Variants in CMYA5 observed in about 807,000 individuals in gnomAD.
CMYA5 encodes cardiomyopathy associated 5.
CMYA5 carries 246 observed loss-of-function variants against 318.9 expected under a neutral mutation model. That is an observed-to-expected ratio of 0.77 (90% CI 0.70 to 0.86). CMYA5 has a LOEUF of 0.86. CMYA5 is among the 40% of genes least tolerant of loss of function. The pLI is 0.00. For missense variants in CMYA5, 4,589 were observed against 4,678.2 expected (o/e 0.98, Z 0.56); for synonymous variants, 1,641 against 1,729.5 (o/e 0.95, Z 1.27).
In CMYA5 at chr5:79,739,128, A is replaced by G; in HGVS notation, c.10363A>G (p.Lys3455Glu). 1 of 1,613,902 alleles carries G rather than the reference A, an allele frequency of 6.2e-7. No homozygotes were observed. The highest frequency in any genetic ancestry group is 1.1e-5 in the South Asian group (1 of 91,074). ...STPEDVLSQGKESFEHISENE... is the reference protein window; with the variant it reads ...STPEDVLSQGEESFEHISENE... ...ACCTGAAGATGTCTTATCTCAAGGA[A>G]AGGAATCCTTTGAGCACATCAGTGA... Residue 3455 changes from lysine (K) to glutamate (E), a missense_variant, in exon 2 of 13, where the codon AAG (lysine) becomes GAG (glutamate). Around this residue, in one of 3 missense-constraint regions of CMYA5, gnomAD observed 2,431 missense variants for 2,495.1 expected, o/e 0.97. Coordinates refer to ENST00000446378, the MANE Select transcript of CMYA5 (RefSeq NM_153610.5).
At chr5:79,791,713 C>CA (rs61063837) in intron 11 of CMYA5, among the ~76,000 whole-genome samples, 3,905 of 91,514 alleles carry the variant, frequency 0.043, 96 homozygotes, top group Non-Finnish European at 0.057. Context: ...GACTCTGTCT[C>CA]AAAAAAAAAA....
chr5:79,747,152 G>A (rs1194256994), intron 5 of CMYA5, 39 bp downstream of exon 5: 3 of 1,510,886 alleles, frequency 2.0e-6, no homozygotes, highest in Non-Finnish European at 2.7e-6. Context: ...CAAACAGCAT[G>A]ACTGGATGCT....
chr5:79,734,877 G>GA lies in CMYA5; in HGVS notation c.6118dup (p.Ile2040AsnfsTer2), dbSNP rs756251572. 4.3e-6 allele frequency: 7 copies of GA among 1,613,650 alleles called. No homozygotes were observed. Among genetic ancestry groups the GA allele is most frequent in the South Asian group, 3.3e-5 (3 of 91,072 alleles). On this transcript the variant is annotated frameshift_variant, in exon 2 of 13. Coordinates refer to ENST00000446378, the MANE Select transcript of CMYA5 (RefSeq NM_153610.5). LOFTEE classifies it high-confidence loss of function. ...CTGGCCTTCCAAAGAAGATAGCCAG[G>GA]AAAAAATTAAACTACCTCCTGAAAG...
chr5:79,789,205 C>T, intron 10 of CMYA5, 101 bp downstream of exon 10: 1 of 1,342,948 alleles, frequency 7.4e-7, no homozygotes, highest in Non-Finnish European at 1.0e-6. Context: ...AACTCCCAAC[C>T]TACTGTCAGT....
intron 1 of CMYA5, among the ~76,000 whole-genome samples, chr5:79,711,248 T>C (rs1827383423): frequency 6.6e-6 from 1 of 152,156 alleles, no homozygotes; most frequent in Non-Finnish European, 1.5e-5. Context: ...TGATGATGGG[T>C]CCATCAGGTA....
intron 11 of CMYA5, among the ~76,000 whole-genome samples, chr5:79,792,260 C>A (rs896585933): frequency 6.6e-6 from 1 of 152,142 alleles, no homozygotes; most frequent in Non-Finnish European, 1.5e-5. Context: ...ATCTTTGAAT[C>A]CCTCAAATCT....
chr5:79,723,779 A>AG (rs1027366199), intron 1 of CMYA5, among the ~76,000 whole-genome samples: 119 of 151,840 alleles, frequency 7.8e-4, no homozygotes, highest in African/African-American at 2.7e-3. Context: ...AAACAATGAA[A>AG]AAAAAAAAAG....
At position 79,739,376 on chromosome 5, in the gene CMYA5, G is replaced by T. The variant is rs368530786; in HGVS notation, c.10611G>T (p.Thr3537=). 3.9e-6 allele frequency: 6 copies of T among 1,550,168 alleles called. No homozygotes were observed. The highest frequency in any genetic ancestry group is 1.4e-5 in the African/African-American group (1 of 72,944). The change falls in exon 2 of 13, where the codon ACG becomes ACT. Residue 3537 remains threonine (T), a synonymous_variant. Coordinates refer to ENST00000446378, the MANE Select transcript of CMYA5 (RefSeq NM_153610.5). ...FGTHKDHEVS[T]LDTAISAVKV... Reference sequence around the variant, plus strand: ...CCCACAAAGACCATGAAGTTTCAACGCTTGACACAGCTATAAGTGCTGTAA... The same window carrying T: ...CCCACAAAGACCATGAAGTTTCAACTCTTGACACAGCTATAAGTGCTGTAA...
In CMYA5 at chr5:79,738,806, T is replaced by C. The variant is rs1390971648; in HGVS notation, c.10041T>C (p.His3347=). ...CGGTTCCATTTGAAGACACCCATCA[T>C]GTTCTGGAGCGTGCAGATGAAGCAG... ...SYAVPFEDTH[H]VLERADEAGS... Residue 3347 remains histidine (H), a synonymous_variant, in exon 2 of 13, where the codon CAT becomes CAC. Transcript: ENST00000446378. 6.2e-7 allele frequency: 1 copy of C among 1,613,910 alleles called. No individual in the cohort carries two copies. The highest frequency in any genetic ancestry group is 1.7e-5 in the Admixed American group (1 of 59,984).
chr5:79,738,474 T>A lies in CMYA5; in HGVS notation c.9709T>A (p.Tyr3237Asn), dbSNP rs1392083086. 6.2e-7 allele frequency: 1 copy of A among 1,613,758 alleles called. No homozygotes were observed. The highest frequency in any genetic ancestry group is 1.1e-5 in the South Asian group (1 of 91,072). Residue 3237 changes from tyrosine (Y) to asparagine (N), a missense_variant, in exon 2 of 13, where the codon TAT (tyrosine) becomes AAT (asparagine). By Grantham distance (143) the Tyr-to-Asn change is moderately radical. Coordinates refer to ENST00000446378, the MANE Select transcript of CMYA5 (RefSeq NM_153610.5). The stretch of plus-strand genomic sequence containing the variant: ...TGACACTGATGATGGAACAGGAATA[T>A]ATTTTGAGAAGTACATACTCAAAGA... ...NSDTDDGTGI[Y>N]FEKYILKDDI...
rs752628202 is a variant in CMYA5, at chr5:79,736,459, C to T, written c.7694C>T (p.Ala2565Val). 7 of 1,609,666 alleles carry T rather than the reference C, an allele frequency of 4.3e-6. No individual in the cohort carries two copies. The East Asian group carries it at 8.9e-5, about 21-fold the overall frequency. Residue 2565 changes from alanine to valine, a missense_variant, in exon 2 of 13, where the codon GCC becomes GTC. Ala to Val is a moderately conservative substitution (Grantham distance 64). Coordinates refer to ENST00000446378, the MANE Select transcript of CMYA5 (RefSeq NM_153610.5). Reference protein sequence around the residue: ...QEHQPYSVNVAESMSRESDIS... With the variant: ...QEHQPYSVNVVESMSRESDIS... ...CATCAGCCTTATTCTGTGAATGTAGCCGAGTCTATGAGTAGAGAATCAGAT... is the reference window on the plus strand; with the variant it reads ...CATCAGCCTTATTCTGTGAATGTAGTCGAGTCTATGAGTAGAGAATCAGAT...
chr5:79,735,712 A>G lies in CMYA5; in HGVS notation c.6947A>G (p.Glu2316Gly), dbSNP rs774540731. The change falls in exon 2 of 13, where the codon GAA (glutamate) becomes GGA (glycine). Residue 2316 changes from glutamate to glycine, a missense_variant. Coordinates refer to ENST00000446378, the MANE Select transcript of CMYA5 (RefSeq NM_153610.5). ...ACTTCTGCTGATGGTGAGAACCTTG[A>G]AATTCAATCTTATTCACTAATCGGT... is the stretch of plus-strand genomic sequence containing the variant. ...VVTSADGENL[E>G]IQSYSLIGEK... 4 of 1,599,938 alleles carry G rather than the reference A, an allele frequency of 2.5e-6. No homozygotes were observed. In the East Asian group the frequency reaches 8.9e-5, roughly 36 times the overall value.
In CMYA5 at chr5:79,736,740, T is replaced by C; in HGVS notation, c.7975T>C (p.Leu2659=). ...HSLSQEGNLV[L]EKSSRDMPDH... is the part of the protein sequence containing the mutation. ...TTTATCTCAGGAAGGAAATCTAGTATTAGAAAAGTCAAGCAGAGATATGCC... is the reference window on the plus strand; with the variant it reads ...TTTATCTCAGGAAGGAAATCTAGTACTAGAAAAGTCAAGCAGAGATATGCC... Residue 2659 remains leucine (L), a synonymous_variant, in exon 2 of 13, where the codon TTA becomes CTA. Coordinates refer to ENST00000446378, the MANE Select transcript of CMYA5 (RefSeq NM_153610.5). 1.9e-6 allele frequency: 3 copies of C among 1,612,626 alleles called. No individual in the cohort carries two copies. Among genetic ancestry groups the C allele is most frequent in the Non-Finnish European group, 2.5e-6 (3 of 1,179,608 alleles).
Position 79,729,502 on chromosome 5 carries a change from G to C in CMYA5, c.737G>C (p.Gly246Ala), listed in dbSNP as rs774673646. 49 of 1,610,892 alleles carry C rather than the reference G, an allele frequency of 3.0e-5. No homozygotes were observed. Among genetic ancestry groups the C allele is most frequent in the Non-Finnish European group, 4.1e-5 (48 of 1,178,110 alleles). The change falls in exon 2 of 13, where the codon GGA becomes GCA. Residue 246 changes from glycine (G) to alanine (A), a missense_variant. Around this residue, in one of 3 missense-constraint regions of CMYA5, gnomAD observed 2,132 missense variants for 2,131.3 expected, o/e 1.00. Coordinates refer to ENST00000446378, the MANE Select transcript of CMYA5 (RefSeq NM_153610.5). ...GAATTAATTCCTCTACAATTTTATG[G>C]AACATTGCCAAAGGGTTATGTAATT... ...KEELIPLQFYGTLPKGYVIKE... is the reference protein window; with the variant it reads ...KEELIPLQFYATLPKGYVIKE...
At position 79,736,986 on chromosome 5, in the gene CMYA5, C is replaced by T; in HGVS notation, c.8221C>T (p.Gln2741Ter). The T allele has an allele frequency of 1.9e-6, 3 of 1,613,272 alleles. No individual in the cohort carries two copies. Among genetic ancestry groups the T allele is most frequent in the Non-Finnish European group, 2.5e-6 (3 of 1,179,758 alleles). ...TGAAATAGAGAACCACTCTTTGTCT[C>T]AGGAAGGAAATCTAGTGTTAGAAAA... Reference protein sequence around the residue: ...HDEIENHSLSQEGNLVLEKSS... With the variant: ...HDEIENHSLS The change falls in exon 2 of 13, where the codon CAG becomes TAG. Residue 2741 changes from glutamine (Q) to a stop codon, truncating the protein, a stop_gained. Transcript: ENST00000446378. LOFTEE classifies it high-confidence loss of function.
intron 1 of CMYA5, among the ~76,000 whole-genome samples, chr5:79,693,334 CA>C (rs1172881397): frequency 2.6e-5 from 3 of 116,220 alleles, no homozygotes; most frequent in Admixed American, 1.0e-4. Context: ...CAAAGTCACA[CA>C]ATTTTTTTTT....
chr5:79,737,152 C>T lies in CMYA5; in HGVS notation c.8387C>T (p.Ala2796Val). The T allele has an allele frequency of 6.2e-7, 1 of 1,612,914 alleles. No homozygotes were observed. Among genetic ancestry groups the T allele is most frequent in the Non-Finnish European group, 8.5e-7 (1 of 1,179,554 alleles). Residue 2796 changes from alanine to valine, a missense_variant, in exon 2 of 13, where the codon GCT (alanine) becomes GTT (valine). Physicochemically the swap from Ala to Val is moderately conservative, Grantham distance 64. Transcript: ENST00000446378. ...TCTAAAGAATCCGAAAGGACTTTAG[C>T]TCGTCCTTTTGATGAAACTAAGAGC... ...FPSKESERTL[A>V]RPFDETKSSE...
intron 1 of CMYA5, among the ~76,000 whole-genome samples, chr5:79,728,714 G>A (rs952610991): frequency 3.9e-5 from 6 of 152,150 alleles, no homozygotes; most frequent in East Asian, 1.9e-4. Flanking sequence ...AGCCTGGGAT[G>A]TGTCATTGTA....
intron 6 of CMYA5, among the ~76,000 whole-genome samples, chr5:79,756,607 C>T (rs1006986409): frequency 6.6e-6 from 1 of 152,220 alleles, no homozygotes; most frequent in African/African-American, 2.4e-5. Context: ...AGTCCATGAA[C>T]TTGACCCTTC....
Sources: allele counts gnomAD v4.1 joint callset (sites outside exome capture counted in the v4.1 genomes callset), GRCh38; gene constraint gnomAD v4.1.1; regional missense constraint gnomAD v4.1.1; transcripts MANE v1.5; gene names NCBI Gene and HGNC (gene_info 2026-07-23, HGNC 2026-07-21).